Variants in SLC36A1 observed in about 807,000 individuals in gnomAD.
SLC36A1 encodes the protein proton-coupled amino acid transporter 1.
In SLC36A1, 30 loss-of-function variants were observed where a neutral mutation model predicts 47.5. The ratio of observed to expected loss-of-function variants is 0.63; its 90% confidence interval spans 0.47 to 0.86. The LOEUF is 0.86. SLC36A1 is among the 40% of genes least tolerant of loss of function. The pLI, the probability that SLC36A1 is intolerant of heterozygous loss-of-function variation, is 0.00. For missense variants in SLC36A1, 517 were observed against 606.0 expected (o/e 0.85, Z 1.54); for synonymous variants, 255 against 249.7 (o/e 1.02, Z -0.20).
the SLC36A1 span, among the ~76,000 whole-genome samples, chr5:151,375,368 A>G: frequency 1.3e-5 from 2 of 152,146 alleles, no homozygotes; most frequent in East Asian, 1.9e-4. Flanking sequence ...TCATTTGGCT[A>G]TAGACATGTG....
the SLC36A1 span, among the ~76,000 whole-genome samples, chr5:151,385,003 A>C: frequency 1.0e-5 from 1 of 98,478 alleles, no homozygotes; most frequent in South Asian, 2.5e-4. Flanking sequence ...TGAGAGAGAG[A>C]GAGAGAGTGT....
At chr5:151,550,958 G>A in the SLC36A1 span, 2 of 1,184,778 alleles carry the variant, frequency 1.7e-6, no homozygotes, top group Non-Finnish European at 2.4e-6. Context: ...TATCACCCAG[G>A]CCTAGCACAG....
intron 1 of SLC36A1, among the ~76,000 whole-genome samples, chr5:151,441,510 A>T (rs958547397): frequency 1.3e-5 from 2 of 152,206 alleles, no homozygotes; most frequent in African/African-American, 2.4e-5. Flanking sequence ...AAAAGTCTTA[A>T]GCAAAACAAT....
the SLC36A1 span, among the ~76,000 whole-genome samples, chr5:151,538,453 G>C: frequency 2.0e-5 from 3 of 152,288 alleles, no homozygotes; most frequent in South Asian, 2.1e-4. Flanking sequence ...TTTGAGTCAG[G>C]TCTGGACTCC....
chr5:151,543,624 A>C, the SLC36A1 span: 1 of 1,614,182 alleles, frequency 6.2e-7, no homozygotes, highest in Non-Finnish European at 8.5e-7. Context: ...CTAGCAAATC[A>C]ATCACCTTGG....
At chr5:151,539,026 T>G in the SLC36A1 span, among the ~76,000 whole-genome samples, 1 of 152,190 alleles carries the variant, frequency 6.6e-6, no homozygotes, top group South Asian at 2.1e-4. Context: ...GTTCTAGTGA[T>G]GCTGTGAACC....
chr5:151,496,651 G>C (rs1760351344), downstream of SLC36A1, among the ~76,000 whole-genome samples: 1 of 152,152 alleles, frequency 6.6e-6, no homozygotes, highest in African/African-American at 2.4e-5. Flanking sequence ...TGCCTCCTGG[G>C]TTCAAGCGAT....
At chr5:151,509,834 G>A in the SLC36A1 span, 2 of 629,180 alleles carry the variant, frequency 3.2e-6, no homozygotes, top group Non-Finnish European at 5.6e-6. Context: ...TGGAAAAAGT[G>A]TCTTCCATGA....
chr5:151,381,902 C>T, the SLC36A1 span: 4 of 297,902 alleles, frequency 1.3e-5, no homozygotes, highest in Non-Finnish European at 2.5e-5. Context: ...GTGTGAATTA[C>T]TCTTTCTCTG....
the SLC36A1 span, among the ~76,000 whole-genome samples, chr5:151,537,277 TGGA>T: frequency 2.0e-3 from 261 of 132,818 alleles, 4 homozygotes; most frequent in Middle Eastern, 0.044. Flanking sequence ...ATGGTGGTGG[TGGA>T]GGAGGAGGAG....
At chr5:151,543,442 C>T in the SLC36A1 span, 3 of 1,614,144 alleles carry the variant, frequency 1.9e-6, no homozygotes, top group Non-Finnish European at 1.7e-6. Context: ...TCTTCCTCCT[C>T]CATCCCGAGC....
rs1274544072 is a variant in SLC36A1 at position 151,458,834 on chromosome 5, C to T, written c.42C>T (p.Tyr14=). 3 of 1,614,124 alleles carry T rather than the reference C, an allele frequency of 1.9e-6. No homozygotes were observed. The South Asian group carries it at 3.3e-5, about 18-fold the overall frequency. The change falls in exon 2 of 11, where the codon TAC becomes TAT. Residue 14 remains tyrosine (Y), a synonymous_variant. Transcript: ENST00000243389. ...TTCGGAATGAAGACTACCACGACTA[C>T]AGCTCCACGGACGTGAGCCCTGAGG... is the stretch of plus-strand genomic sequence containing the variant. The part of the protein sequence containing the change: ...QRLRNEDYHD[Y]SSTDVSPEES...
At chr5:151,496,668 G>C (rs1420053691), downstream of SLC36A1, among the ~76,000 whole-genome samples, 2 of 152,182 alleles carry the variant, frequency 1.3e-5, no homozygotes, top group Non-Finnish European at 2.9e-5. Context: ...CGATTCTCCT[G>C]TCTCAGCCTC....
the SLC36A1 span, among the ~76,000 whole-genome samples, chr5:151,361,423 T>C: frequency 7.9e-5 from 12 of 152,198 alleles, no homozygotes; most frequent in Non-Finnish European, 1.2e-4. Flanking sequence ...ATCAGTCCAA[T>C]ATCTACTAAA....
At chr5:151,361,538 C>A in the SLC36A1 span, among the ~76,000 whole-genome samples, 5 of 152,204 alleles carry the variant, frequency 3.3e-5, no homozygotes, top group East Asian at 9.7e-4. Context: ...AACATAAGTG[C>A]TTGTTAAACA....
the SLC36A1 span, among the ~76,000 whole-genome samples, chr5:151,520,011 C>G: frequency 6.6e-6 from 1 of 152,212 alleles, no homozygotes; most frequent in Non-Finnish European, 1.5e-5. Context: ...CTGAGAGAGA[C>G]CCTTCAGCCT....
At chr5:151,514,927 A>G in the SLC36A1 span, among the ~76,000 whole-genome samples, 1 of 152,186 alleles carries the variant, frequency 6.6e-6, no homozygotes, top group Admixed American at 6.5e-5. Flanking sequence ...ACATGGTGTT[A>G]TTGCTCTAAT....
the SLC36A1 span, among the ~76,000 whole-genome samples, chr5:151,523,093 T>C: frequency 5.3e-5 from 8 of 152,184 alleles, no homozygotes; most frequent in African/African-American, 1.9e-4. Flanking sequence ...CAATTTTCCC[T>C]GTAGTAATAT....
chr5:151,409,308 G>C, the SLC36A1 span, among the ~76,000 whole-genome samples: 17 of 151,928 alleles, frequency 1.1e-4, no homozygotes, highest in South Asian at 2.1e-4. Flanking sequence ...TGGTTGGGGT[G>C]GGGGGGATAG....
Sources: allele counts gnomAD v4.1 joint callset (sites outside exome capture counted in the v4.1 genomes callset), GRCh38; gene constraint gnomAD v4.1.1; transcripts MANE v1.5; gene names NCBI Gene and HGNC (gene_info 2026-07-23, HGNC 2026-07-21).